GPC5: variants seen among roughly 807,000 people sequenced by gnomAD.
GPC5 encodes the protein glypican 5.
GPC5 carries 47 observed loss-of-function variants against 53.9 expected under a neutral mutation model. The observed-to-expected ratio is 0.87, with a 90% CI of 0.69 to 1.11. The LOEUF (loss-of-function observed/expected upper bound fraction) is 1.11. Ranked by LOEUF, GPC5 falls within the 50% of genes most tolerant of loss-of-function variation. GPC5 has a pLI of 0.00. For missense variants in GPC5, 748 were observed against 713.1 expected (o/e 1.05, Z -0.56); for synonymous variants, 286 against 263.3 (o/e 1.09, Z -0.84).
At chr13:91,701,189 C>T (rs781398904) in intron 3 of GPC5, among the ~76,000 whole-genome samples, 4 of 152,092 alleles carry the variant, frequency 2.6e-5, no homozygotes, top group Non-Finnish European at 5.9e-5. Flanking sequence ...TCCTTCACCT[C>T]ATGTACACAT....
At chr13:91,620,149 G>A (rs914068066) in intron 2 of GPC5, among the ~76,000 whole-genome samples, 2 of 151,952 alleles carry the variant, frequency 1.3e-5, no homozygotes, top group Non-Finnish European at 2.9e-5. Context: ...CTACCTTCTA[G>A]CCCAAATCAT....
intron 7 of GPC5, among the ~76,000 whole-genome samples, chr13:92,533,069 G>A (rs945376375): frequency 6.6e-6 from 1 of 152,040 alleles, no homozygotes; most frequent in African/African-American, 2.4e-5. Context: ...CAGTATAAAT[G>A]CAGTTTTAAA....
chr13:91,468,699 T>C (rs1418523410), intron 2 of GPC5, among the ~76,000 whole-genome samples: 1 of 152,146 alleles, frequency 6.6e-6, no homozygotes, highest in Non-Finnish European at 1.5e-5. Flanking sequence ...CCCCTTAGGT[T>C]GTAGGGCTTT....
intron 6 of GPC5, among the ~76,000 whole-genome samples, chr13:92,083,555 T>G (rs1383632873): frequency 6.6e-6 from 1 of 152,144 alleles, no homozygotes; most frequent in Admixed American, 6.5e-5. Context: ...CACATGTACC[T>G]TAGAACTTAA....
chr13:91,885,829 T>A (rs938780854), intron 5 of GPC5, among the ~76,000 whole-genome samples: 8 of 152,226 alleles, frequency 5.3e-5, no homozygotes, highest in African/African-American at 1.9e-4. Context: ...TGTTTCTACA[T>A]ACTGTTCATA....
At chr13:91,927,285 G>T (rs2039778050) in intron 6 of GPC5, among the ~76,000 whole-genome samples, 1 of 152,086 alleles carries the variant, frequency 6.6e-6, no homozygotes, top group Admixed American at 6.5e-5. Flanking sequence ...AGAAAACCCT[G>T]TCGTGCTATA....
intron 4 of GPC5, among the ~76,000 whole-genome samples, chr13:91,741,707 A>T (rs986949086): frequency 6.6e-6 from 1 of 152,190 alleles, no homozygotes; most frequent in Non-Finnish European, 1.5e-5. Context: ...AGTTAAATTT[A>T]AAAATTCTTG....
At chr13:92,226,308 C>A (rs1272413113) in intron 7 of GPC5, among the ~76,000 whole-genome samples, 1 of 152,138 alleles carries the variant, frequency 6.6e-6, no homozygotes, top group African/African-American at 2.4e-5. Context: ...TAAACTTTGA[C>A]AGAATTGTCA....
At chr13:92,649,306 C>G (rs1293673225) in intron 7 of GPC5, among the ~76,000 whole-genome samples, 1 of 152,100 alleles carries the variant, frequency 6.6e-6, no homozygotes, top group African/African-American at 2.4e-5. Context: ...CCTATAAGCT[C>G]TCTTCAATAA....
chr13:92,080,938 T>C (rs1188528166), intron 6 of GPC5, among the ~76,000 whole-genome samples: 1 of 152,142 alleles, frequency 6.6e-6, no homozygotes, highest in Admixed American at 6.5e-5. Context: ...GAGCACAACT[T>C]ATCTTTGCAG....
intron 7 of GPC5, among the ~76,000 whole-genome samples, chr13:92,804,085 C>T (rs1409721780): frequency 2.6e-5 from 4 of 151,970 alleles, no homozygotes; most frequent in African/African-American, 7.2e-5. Context: ...AGGGATTCTT[C>T]GCAGCAATCA....
intron 2 of GPC5, among the ~76,000 whole-genome samples, chr13:91,594,626 T>C (rs1483476991): frequency 2.6e-5 from 1 of 38,690 alleles, no homozygotes; most frequent in East Asian, 1.3e-3. Context: ...TTTTTCTTTT[T>C]GTTTTTTTTT....
At chr13:92,053,603 TTTA>T (rs1470367139) in intron 6 of GPC5, among the ~76,000 whole-genome samples, 2 of 152,150 alleles carry the variant, frequency 1.3e-5, no homozygotes, top group Non-Finnish European at 2.9e-5. Flanking sequence ...TTAGATTGTT[TTTA>T]TTATTATTTT....
At chr13:92,587,799 C>T (rs567570724) in intron 7 of GPC5, among the ~76,000 whole-genome samples, 41 of 152,222 alleles carry the variant, frequency 2.7e-4, no homozygotes, top group East Asian at 7.7e-4. Context: ...TCTCAAACCC[C>T]GTCTCCACCC....
chr13:92,226,232 T>A (rs2139094371), intron 7 of GPC5, among the ~76,000 whole-genome samples: 1 of 152,292 alleles, frequency 6.6e-6, no homozygotes, highest in East Asian at 1.9e-4. Context: ...TCTTTATACA[T>A]TACCCAGTCT....
intron 2 of GPC5, among the ~76,000 whole-genome samples, chr13:91,489,934 A>G (rs1261220667): frequency 1.3e-5 from 2 of 152,228 alleles, no homozygotes; most frequent in Non-Finnish European, 2.9e-5. Context: ...AATTTGTACC[A>G]CATGCATATA....
intron 1 of GPC5, among the ~76,000 whole-genome samples, chr13:91,408,887 T>C (rs1877518897): frequency 6.6e-6 from 1 of 152,272 alleles, no homozygotes; most frequent in African/African-American, 2.4e-5. Context: ...GTTTTACAGT[T>C]TCAAGAGAAT....
chr13:92,235,611 T>C (rs1163924858), intron 7 of GPC5, among the ~76,000 whole-genome samples: 1 of 152,076 alleles, frequency 6.6e-6, no homozygotes, highest in African/African-American at 2.4e-5. Context: ...AATATATGAT[T>C]GGCTGATTAA....
chr13:92,399,119 A>G (rs1212947984), intron 7 of GPC5, among the ~76,000 whole-genome samples: 1 of 152,210 alleles, frequency 6.6e-6, no homozygotes, highest in East Asian at 1.9e-4. Flanking sequence ...AATATGCTTC[A>G]TGATTTGGTC....
Sources: allele counts gnomAD v4.1 joint callset (sites outside exome capture counted in the v4.1 genomes callset), GRCh38; gene constraint gnomAD v4.1.1; transcripts MANE v1.5; gene names NCBI Gene and HGNC (gene_info 2026-07-23, HGNC 2026-07-21).